Variants in LRP2 observed in about 807,000 individuals in gnomAD.
LRP2 encodes LDL receptor related protein 2.
A neutral mutation model predicts 531.0 loss-of-function variants in LRP2; 172 were observed. The ratio of observed to expected loss-of-function variants is 0.32; its 90% CI spans 0.29 to 0.37. The LOEUF is 0.37. LRP2 is among the 10% of genes least tolerant of loss of function. The pLI is 1.00. For missense variants in LRP2, 5,167 were observed against 5,868.3 expected, an observed-to-expected ratio of 0.88 and a Z score of 3.90; for synonymous variants, 1,992 against 2,027.6, an observed-to-expected ratio of 0.98 and a Z score of 0.47.
chr2:169,309,200 A>T (rs781173109), intron 3 of LRP2, among the ~76,000 whole-genome samples: 3 of 151,972 alleles, frequency 2.0e-5, no homozygotes, highest in Non-Finnish European at 4.4e-5. Context: ...GGTAGTTTCT[A>T]TTGCTGTGCA....
intron 40 of LRP2, 22 bp from the exon 41 acceptor site, chr2:169,205,659 ATAAT>A (rs780228555): frequency 8.1e-6 from 13 of 1,611,326 alleles, no homozygotes; most frequent in Middle Eastern, 1.7e-4. Flanking sequence ...AAAGGAGTCA[ATAAT>A]TAATTCACAG....
rs149373807 is a variant in LRP2, at chr2:169,278,092, G to GTT, written c.1566-143_1566-142dup. 3,277 of 676,506 alleles carry GTT rather than the reference G, an allele frequency of 4.8e-3. 55 individuals carry two copies. The African/African-American group carries it at 0.051, about 11-fold the overall frequency. The allele number at this position is 676,506 out of a possible 1,614,324, so 41.9% of individuals were successfully genotyped here. A position where few individuals can be genotyped will look rare whatever the true frequency, so the allele number is the denominator to read the frequency against. On this transcript the variant is annotated intron_variant, in intron 12 of 78. Transcript: ENST00000649046. ...CAGTATAAAACAACAGGGAAATTAA[G>GTT]TTGTTTTTTTTTTTTAAAGAGACTG...
At chr2:169,147,504 C>T (rs1455978179) in intron 68 of LRP2, among the ~76,000 whole-genome samples, 4 of 152,022 alleles carry the variant, frequency 2.6e-5, no homozygotes, top group Non-Finnish European at 5.9e-5. Context: ...TTAGTAGAGA[C>T]GTGGTTTGAC....
intron 10 of LRP2, 104 bp downstream of exon 10, chr2:169,282,769 C>T: frequency 7.7e-7 from 1 of 1,304,092 alleles, no homozygotes; most frequent in Non-Finnish European, 1.1e-6. Flanking sequence ...TAAAGCCCTG[C>T]CAACAACAAA....
intron 1 of LRP2, among the ~76,000 whole-genome samples, chr2:169,345,210 A>C (rs1685665417): frequency 6.6e-6 from 1 of 152,088 alleles, no homozygotes; most frequent in African/African-American, 2.4e-5. Flanking sequence ...TTCAAGAGAG[A>C]TTTCTTGAGT....
intron 68 of LRP2, among the ~76,000 whole-genome samples, chr2:169,149,411 T>C (rs1174901647): frequency 2.0e-5 from 3 of 152,228 alleles, no homozygotes; most frequent in African/African-American, 4.8e-5. Context: ...AAATGGATCA[T>C]GAAATGAGGA....
At chr2:169,160,684 A>AAAAAAAAAAAAAACAAAAAAAC (rs1459931713) in intron 63 of LRP2, among the ~76,000 whole-genome samples, 1 of 98,230 alleles carries the variant, frequency 1.0e-5, no homozygotes, top group Non-Finnish European at 2.1e-5. Context: ...TATTTCCTTA[A>AAAAAAAAAAAAAACAAAAAAAC]AAAAAAAAAA....
chr2:169,278,179 C>T (rs1345215030), intron 12 of LRP2, among the ~76,000 whole-genome samples: 1 of 151,804 alleles, frequency 6.6e-6, no homozygotes, highest in African/African-American at 2.4e-5. Context: ...ACTAATATGG[C>T]AGTCTAAAAG....
At chr2:169,268,725 T>G (rs1042973938) in intron 16 of LRP2, among the ~76,000 whole-genome samples, 1 of 152,138 alleles carries the variant, frequency 6.6e-6, no homozygotes, top group African/African-American at 2.4e-5. Flanking sequence ...CCACTCCTAC[T>G]CAGCATAGTG....
At chr2:169,149,320 T>C (rs1369454411) in intron 68 of LRP2, among the ~76,000 whole-genome samples, 1 of 152,212 alleles carries the variant, frequency 6.6e-6, no homozygotes, top group African/African-American at 2.4e-5. Flanking sequence ...CACTGGCAGA[T>C]CTTATACCGC....
intron 1 of LRP2, among the ~76,000 whole-genome samples, chr2:169,344,432 T>G (rs908189885): frequency 6.6e-6 from 1 of 152,178 alleles, no homozygotes; most frequent in Admixed American, 6.5e-5. Flanking sequence ...AAAGACATAA[T>G]AAAGTTATGT....
chr2:169,135,888 T>C (rs753637697), intron 76 of LRP2, among the ~76,000 whole-genome samples: 49 of 152,282 alleles, frequency 3.2e-4, no homozygotes, highest in Non-Finnish European at 6.3e-4. Context: ...TGCCCTGCTC[T>C]TGTTTATACC....
chr2:169,303,469 T>C (rs1574237335), intron 4 of LRP2, among the ~76,000 whole-genome samples: 3 of 152,162 alleles, frequency 2.0e-5, no homozygotes, highest in African/African-American at 7.2e-5. Flanking sequence ...GCTCGGTGAC[T>C]GGCAGTTCCC....
At chr2:169,274,177 C>G (rs538783308) in intron 14 of LRP2, among the ~76,000 whole-genome samples, 2 of 152,088 alleles carry the variant, frequency 1.3e-5, no homozygotes, top group Admixed American at 1.3e-4. Flanking sequence ...TTTCTACCAA[C>G]GTAGTGTAGT....
chr2:169,265,201 C>T (rs1183596812), intron 16 of LRP2, among the ~76,000 whole-genome samples: 1 of 151,768 alleles, frequency 6.6e-6, no homozygotes, highest in South Asian at 2.1e-4. Context: ...ACCACCATCT[C>T]CCCACATCTT....
At chr2:169,166,913 A>G (rs1328720238) in intron 61 of LRP2, among the ~76,000 whole-genome samples, 1 of 152,232 alleles carries the variant, frequency 6.6e-6, no homozygotes, top group Non-Finnish European at 1.5e-5. Flanking sequence ...CCTTGGTATC[A>G]CACACAGGGA....
At chr2:169,309,120 T>G (rs542986355) in intron 3 of LRP2, among the ~76,000 whole-genome samples, 2 of 152,220 alleles carry the variant, frequency 1.3e-5, no homozygotes, top group African/African-American at 4.8e-5. Flanking sequence ...ATTCTGGATA[T>G]CAGCCCTTTG....
At chr2:169,264,300 C>G (rs372736287) in intron 16 of LRP2, among the ~76,000 whole-genome samples, 1 of 151,684 alleles carries the variant, frequency 6.6e-6, no homozygotes, top group African/African-American at 2.4e-5. Context: ...GCTCAGCATA[C>G]GAACTTGAAG....
intron 40 of LRP2, 152 bp from the exon 41 acceptor site, chr2:169,205,789 C>A: frequency 1.0e-6 from 1 of 953,738 alleles, no homozygotes; most frequent in Non-Finnish European, 1.6e-6. Flanking sequence ...CAAAGGAGAT[C>A]TAGTAAGTCA....
Sources: gnomAD v4.1 joint callset for allele counts (sites outside exome capture counted in the v4.1 genomes callset) on GRCh38, gnomAD v4.1.1 for gene constraint, MANE v1.5 for transcripts, NCBI Gene and HGNC (gene_info 2026-07-23, HGNC 2026-07-21) for gene names.